RBFOX1: variants seen among roughly 807,000 people sequenced by gnomAD.
The protein encoded by RBFOX1 is RNA binding fox-1 homolog 1.
In RBFOX1, 8 loss-of-function variants were observed where a neutral mutation model predicts 57.7. The observed-to-expected ratio is 0.14, with a 90% CI of 0.08 to 0.25. The LOEUF is 0.25. RBFOX1 is among the 10% of genes least tolerant of loss of function. The probability of loss-of-function intolerance (pLI) is 1.00; values close to 1 mark genes in which losing one functional copy is unlikely to be tolerated. For missense variants in RBFOX1, 611 were observed against 548.5 expected (o/e 1.11, Z -1.14); for synonymous variants, 326 against 222.4 (o/e 1.47, Z -4.15).
chr16:7,702,992 A>G (rs1051939189), intron 14 of RBFOX1, among the ~76,000 whole-genome samples: 2 of 152,172 alleles, frequency 1.3e-5, no homozygotes, highest in African/African-American at 2.4e-5. Context: ...GAGCACCCCA[A>G]CCAGGGGGGT....
chr16:7,424,399 A>G (rs925070806), intron 4 of RBFOX1, among the ~76,000 whole-genome samples: 4 of 152,084 alleles, frequency 2.6e-5, no homozygotes, highest in Non-Finnish European at 5.9e-5. Flanking sequence ...AGCTGGGAAT[A>G]CAGAAGGGCA....
intron 4 of RBFOX1, among the ~76,000 whole-genome samples, chr16:7,412,171 C>A (rs968228959): frequency 5.3e-5 from 8 of 152,086 alleles, no homozygotes; most frequent in Admixed American, 5.2e-4. Flanking sequence ...CCGTCGCTCA[C>A]GGCTGTAATC....
intron 3 of RBFOX1, among the ~76,000 whole-genome samples, chr16:6,764,659 G>A (rs1235837084): frequency 6.6e-6 from 1 of 152,166 alleles, no homozygotes; most frequent in African/African-American, 2.4e-5. Context: ...TGCATGGGCT[G>A]GGTGCAGTGG....
intron 1 of RBFOX1, among the ~76,000 whole-genome samples, chr16:5,449,135 C>G (rs955989980): frequency 6.6e-6 from 1 of 152,118 alleles, no homozygotes; most frequent in African/African-American, 2.4e-5. Context: ...ACGAGGCTAC[C>G]CAAAAGTCAC....
chr16:6,926,847 T>G (rs1565631), intron 3 of RBFOX1, among the ~76,000 whole-genome samples: 116,704 of 151,980 alleles, frequency 0.77, 45,709 homozygotes, highest in African/African-American at 0.94. Flanking sequence ...TACATAAACA[T>G]CCACGTGACT....
chr16:7,476,450 T>A (rs1262773352), intron 4 of RBFOX1, among the ~76,000 whole-genome samples: 1 of 152,218 alleles, frequency 6.6e-6, no homozygotes, highest in Admixed American at 6.5e-5. Context: ...ACTTAATAAA[T>A]GTTGGTTATT....
At chr16:5,375,337 G>A (rs2151380022) in intron 1 of RBFOX1, among the ~76,000 whole-genome samples, 1 of 152,288 alleles carries the variant, frequency 6.6e-6, no homozygotes, top group South Asian at 2.1e-4. Flanking sequence ...CGGGAGTGAA[G>A]AGGACAGTGA....
intron 1 of RBFOX1, among the ~76,000 whole-genome samples, chr16:6,078,837 G>C (rs909844274): frequency 3.3e-5 from 5 of 152,172 alleles, no homozygotes; most frequent in Non-Finnish European, 7.3e-5. Context: ...TGCTGTCTTA[G>C]AATTAGTAGA....
At chr16:7,470,279 G>T (rs866113580) in intron 4 of RBFOX1, among the ~76,000 whole-genome samples, 1 of 152,168 alleles carries the variant, frequency 6.6e-6, no homozygotes, top group African/African-American at 2.4e-5. Context: ...CATCCTTAGT[G>T]CAGGTGCCCT....
chr16:5,422,155 A>G lies in RBFOX1; in HGVS notation c.220-45061A>G, dbSNP rs368908761. Among the ~76,000 whole-genome samples the G allele has an allele frequency of 7.7e-4, 117 of 152,136 alleles. 1 individual carries two copies. The highest frequency in any genetic ancestry group is 2.1e-3 in the African/African-American group (87 of 41,536). ...AAAGATGTATGTTTTAGGATGCTGA[A>G]TATGGCATTGTTTGTAGAGGAAGAG... On this transcript the variant is annotated intron_variant, in intron 1 of 2. Coordinates refer to the RBFOX1 transcript ENST00000585867.
chr16:6,615,756 C>G (rs2098132604), intron 2 of RBFOX1, among the ~76,000 whole-genome samples: 1 of 152,134 alleles, frequency 6.6e-6, no homozygotes, highest in African/African-American at 2.4e-5. Flanking sequence ...TAGCTTCCGT[C>G]TTTTCTCATG....
At chr16:5,525,506 T>C (rs1162919923) in intron 2 of RBFOX1, among the ~76,000 whole-genome samples, 1 of 145,258 alleles carries the variant, frequency 6.9e-6, no homozygotes, top group Non-Finnish European at 1.5e-5. Flanking sequence ...TTTTTTTTTT[T>C]TTTTTTTTTG....
chr16:6,593,575 T>C (rs2097744976), intron 2 of RBFOX1, among the ~76,000 whole-genome samples: 2 of 152,182 alleles, frequency 1.3e-5, no homozygotes, highest in Admixed American at 1.3e-4. Flanking sequence ...TTGTTTTCAT[T>C]TGTTGCTTCT....
chr16:5,450,162 G>A (rs1018764941), intron 1 of RBFOX1, among the ~76,000 whole-genome samples: 1 of 152,142 alleles, frequency 6.6e-6, no homozygotes, highest in African/African-American at 2.4e-5. Context: ...TCTCTCACAG[G>A]CAGGATTTGA....
At chr16:5,287,195 T>C (rs755607418) in intron 1 of RBFOX1, among the ~76,000 whole-genome samples, 1 of 151,994 alleles carries the variant, frequency 6.6e-6, no homozygotes, top group Non-Finnish European at 1.5e-5. Context: ...GTCCTAGCTA[T>C]GTAGGAGGCT....
intron 2 of RBFOX1, among the ~76,000 whole-genome samples, chr16:6,515,518 G>A (rs932540946): frequency 6.6e-6 from 1 of 152,144 alleles, no homozygotes; most frequent in African/African-American, 2.4e-5. Context: ...CAGTTACATT[G>A]TTCCCATGTC....
chr16:7,489,380 T>G, intron 4 of RBFOX1, among the ~76,000 whole-genome samples: 1 of 152,246 alleles, frequency 6.6e-6, no homozygotes, highest in East Asian at 1.9e-4. Context: ...TCTTAATATG[T>G]GCCAGGTCCT....
At chr16:5,474,861 A>C (rs530243945) in intron 2 of RBFOX1, among the ~76,000 whole-genome samples, 1 of 152,196 alleles carries the variant, frequency 6.6e-6, no homozygotes, top group Non-Finnish European at 1.5e-5. Context: ...AGCCCATGCT[A>C]TTTGACTCAC....
intron 4 of RBFOX1, among the ~76,000 whole-genome samples, chr16:7,155,634 T>C (rs1449378146): frequency 3.6e-5 from 5 of 138,676 alleles, no homozygotes; most frequent in African/African-American, 1.4e-4. Context: ...GAAATACCAA[T>C]ATTCCCAGGA....
Sources: allele counts gnomAD v4.1 joint callset (sites outside exome capture counted in the v4.1 genomes callset), GRCh38; gene constraint gnomAD v4.1.1; transcripts MANE v1.5; gene names NCBI Gene and HGNC (gene_info 2026-07-23, HGNC 2026-07-21).